The following SRRM3 variants were observed in gnomAD, a reference collection of about 807,000 sequenced individuals.
The protein encoded by SRRM3 is serine/arginine repetitive matrix protein 3.
SRRM3 carries 27 observed loss-of-function variants against 66.2 expected under a neutral mutation model. That is an observed-to-expected ratio of 0.41 (90% CI 0.30 to 0.56). SRRM3 has a LOEUF of 0.56. SRRM3 is among the 20% of genes least tolerant of loss of function. The pLI is 0.32. For missense variants in SRRM3, 918 were observed against 991.9 expected (o/e 0.93, Z 1.00); for synonymous variants, 391 against 414.9 (o/e 0.94, Z 0.70).
chr7:76,240,715 C>A (rs1801273361), intron 2 of SRRM3, among the ~76,000 whole-genome samples: 1 of 152,136 alleles, frequency 6.6e-6, no homozygotes, highest in Middle Eastern at 3.4e-3. Context: ...CCCAGGAAAT[C>A]CCCAAAGCCA....
intron 1 of SRRM3, among the ~76,000 whole-genome samples, chr7:76,226,508 G>A (rs1284934641): frequency 1.3e-5 from 2 of 152,268 alleles, no homozygotes; most frequent in African/African-American, 2.4e-5. Flanking sequence ...AAGGGTGGCC[G>A]GTGGGGCCCC....
intron 11 of SRRM3, among the ~76,000 whole-genome samples, chr7:76,274,038 G>T (rs971753029): frequency 4.5e-4 from 69 of 152,204 alleles, no homozygotes; most frequent in African/African-American, 1.6e-3. Flanking sequence ...GATTTCTGTT[G>T]TCTGGAGTAG....
chr7:76,267,254 C>G lies in SRRM3; in HGVS notation c.831-4C>G. ...CCCCCATTCTTCCTGGCGCCTAACC[C>G]CAGGCTGAGCCCCAAGCACCGAGAC... On this transcript the variant is annotated splice_region_variant and splice_polypyrimidine_tract_variant and intron_variant, in intron 10 of 14. Coordinates refer to ENST00000611745, the MANE Select transcript of SRRM3 (RefSeq NM_001110199.3). The G allele has an allele frequency of 6.5e-7, 1 of 1,541,576 alleles. No individual in the cohort carries two copies. The highest frequency in any genetic ancestry group is 8.7e-7 in the Non-Finnish European group (1 of 1,151,006).
chr7:76,262,758 G>T (rs1428930512), intron 8 of SRRM3, among the ~76,000 whole-genome samples: 1 of 151,960 alleles, frequency 6.6e-6, no homozygotes, highest in African/African-American at 2.4e-5. Flanking sequence ...GGAAATTACA[G>T]GGAGCTGAGA....
intron 1 of SRRM3, among the ~76,000 whole-genome samples, chr7:76,219,319 C>G (rs1800655438): frequency 6.6e-6 from 1 of 152,220 alleles, no homozygotes; most frequent in South Asian, 2.1e-4. Context: ...CTACATCAAT[C>G]TGCACTGATC....
At chr7:76,223,583 GT>G (rs1210019317) in intron 1 of SRRM3, among the ~76,000 whole-genome samples, 4 of 152,150 alleles carry the variant, frequency 2.6e-5, no homozygotes, top group Non-Finnish European at 4.4e-5. Flanking sequence ...TAAGGACCTG[GT>G]TTCATGGGTA....
chr7:76,214,610 C>T lies in SRRM3; in HGVS notation c.-40+12543C>T, dbSNP rs564359983. 8.5e-4 allele frequency among the ~76,000 whole-genome samples: 130 copies of T among 152,116 alleles called. 1 individual carries two copies. The highest frequency in any genetic ancestry group is 2.8e-3 in the African/African-American group (115 of 41,484). ...GTGGCAGTTCCAAGGCCACCAGGAC[C>T]GCTGCTCAGGGACTGTGCACCTCCT... On this transcript the variant is annotated intron_variant, in intron 1 of 14. Transcript: ENST00000611745.
chr7:76,273,501 T>C (rs1274632128), intron 11 of SRRM3: 2 of 152,150 alleles, frequency 1.3e-5, no homozygotes, highest in Non-Finnish European at 2.9e-5. Context: ...GGGAGCACAG[T>C]TTAGGGTCAC....
At chr7:76,255,850 CCT>C (rs1801699499) in intron 3 of SRRM3, among the ~76,000 whole-genome samples, 1 of 152,104 alleles carries the variant, frequency 6.6e-6, no homozygotes, top group Admixed American at 6.6e-5. Context: ...GCCTCCCTTC[CCT>C]CTGTTTCATT....
intron 14 of SRRM3, chr7:76,283,635 C>T (rs1554612340): frequency 1.9e-6 from 1 of 527,276 alleles, no homozygotes; most frequent in South Asian, 1.5e-5. Flanking sequence ...AGCTGTCCGT[C>T]TGTCTGCCTC....
At chr7:76,231,935 G>A (rs1801026450) in intron 1 of SRRM3, among the ~76,000 whole-genome samples, 2 of 152,154 alleles carry the variant, frequency 1.3e-5, no homozygotes, top group Non-Finnish European at 2.9e-5. Context: ...AGGAAGTAAG[G>A]GCATGCATTT....
intron 11 of SRRM3, among the ~76,000 whole-genome samples, chr7:76,270,896 A>C (rs1554610458): frequency 7.0e-6 from 1 of 142,762 alleles, no homozygotes. Flanking sequence ...GATCGCTTGA[A>C]CCCAGGAGGC....
At chr7:76,213,783 G>T (rs992801623) in intron 1 of SRRM3, among the ~76,000 whole-genome samples, 2 of 151,898 alleles carry the variant, frequency 1.3e-5, no homozygotes, top group African/African-American at 4.8e-5. Flanking sequence ...TTGTTTGTTT[G>T]TTTTTTAACA....
chr7:76,202,949 T>C (rs1583857034), intron 1 of SRRM3, among the ~76,000 whole-genome samples: 1 of 152,178 alleles, frequency 6.6e-6, no homozygotes, highest in East Asian at 1.9e-4. Context: ...GCCTGTGCCC[T>C]ATCCCAGCCA....
intron 2 of SRRM3, among the ~76,000 whole-genome samples, chr7:76,241,111 G>A (rs1801283989): frequency 6.6e-6 from 1 of 152,136 alleles, no homozygotes; most frequent in Non-Finnish European, 1.5e-5. Context: ...TGGCCAGGCT[G>A]GTCTCAAACT....
intron 11 of SRRM3, among the ~76,000 whole-genome samples, chr7:76,274,356 C>T (rs1554610840): frequency 6.6e-6 from 1 of 152,236 alleles, no homozygotes; most frequent in East Asian, 1.9e-4. Context: ...GACTGAGCTT[C>T]CAGCTTCCAT....
chr7:76,247,516 G>A (rs1404700731), intron 2 of SRRM3, among the ~76,000 whole-genome samples: 4 of 152,126 alleles, frequency 2.6e-5, no homozygotes, highest in Non-Finnish European at 5.9e-5. Context: ...TCGAAAGAGC[G>A]ACTGCAGTCT....
rs1801846467 is a variant in SRRM3, at chr7:76,260,912, G to C, written c.575+9G>C. On this transcript the variant is annotated intron_variant, in intron 6 of 14. Transcript: ENST00000611745. ...CTGGAGTCCGAATGCAGGTCAGTGG[G>C]GACAGAGCTGGCTGGGGCCAGGGCG... 2.6e-6 allele frequency: 4 copies of C among 1,559,024 alleles called. No individual in the cohort carries two copies. The highest frequency in any genetic ancestry group is 3.5e-6 in the Non-Finnish European group (4 of 1,150,906).
chr7:76,275,494 C>T (rs1554610990), intron 11 of SRRM3, among the ~76,000 whole-genome samples: 1 of 141,138 alleles, frequency 7.1e-6, no homozygotes, highest in Non-Finnish European at 1.5e-5. Flanking sequence ...GTCCCTGCTC[C>T]CTCAAAAAAA....
Sources: gnomAD v4.1 joint callset for allele counts (sites outside exome capture counted in the v4.1 genomes callset) on GRCh38, gnomAD v4.1.1 for gene constraint, MANE v1.5 for transcripts, NCBI Gene and HGNC (gene_info 2026-07-23, HGNC 2026-07-21) for gene names.